DTNB: variants seen among roughly 807,000 people sequenced by gnomAD.
The protein encoded by DTNB is DTN-B.
Under a neutral mutation model 90.7 loss-of-function variants are expected in DTNB, and 63 were observed. That is an observed-to-expected ratio of 0.69 (90% CI 0.57 to 0.86). The LOEUF is 0.86. Among genes scored for constraint, DTNB ranks in the 40% least tolerant of loss-of-function variants. The probability of loss-of-function intolerance (pLI) is 0.00; values close to 1 mark genes in which losing one functional copy is unlikely to be tolerated. For synonymous variants in DTNB, 277 were observed against 286.7 expected (o/e 0.97, Z 0.34); for missense variants, 744 against 807.1 (o/e 0.92, Z 0.95).
chr2:25,447,567 C>A (rs976093939), intron 12 of DTNB, among the ~76,000 whole-genome samples: 1 of 141,650 alleles, frequency 7.1e-6, no homozygotes, highest in East Asian at 2.0e-4. Context: ...TACAGTGGTG[C>A]GATCTCAGCT....
intron 7 of DTNB, among the ~76,000 whole-genome samples, chr2:25,580,138 C>T (rs1177809090): frequency 6.6e-6 from 1 of 151,776 alleles, no homozygotes; most frequent in African/African-American, 2.4e-5. Flanking sequence ...CCCACAACCA[C>T]GCCCAGCTAA....
chr2:25,491,050 TAA>T (rs925729772), intron 9 of DTNB, among the ~76,000 whole-genome samples: 1 of 145,072 alleles, frequency 6.9e-6, no homozygotes. Context: ...ATGCTTAATG[TAA>T]AAAAAAAAAG....
chr2:25,482,762 C>G, intron 10 of DTNB, 34 bp downstream of exon 10: 1 of 1,610,064 alleles, frequency 6.2e-7, no homozygotes. Context: ...TAGCAGAGGC[C>G]AACACCCAAG....
At chr2:25,522,880 T>C (rs2150817590) in intron 9 of DTNB, among the ~76,000 whole-genome samples, 1 of 152,214 alleles carries the variant, frequency 6.6e-6, no homozygotes, top group East Asian at 1.9e-4. Flanking sequence ...TTTGTATTTT[T>C]AGTAGAGACG....
intron 8 of DTNB, among the ~76,000 whole-genome samples, chr2:25,557,196 A>C (rs1299261990): frequency 1.3e-5 from 2 of 152,202 alleles, no homozygotes; most frequent in Non-Finnish European, 2.9e-5. Flanking sequence ...AAGTAGATCC[A>C]CAGGCAGCCA....
intron 8 of DTNB, among the ~76,000 whole-genome samples, chr2:25,565,837 A>C (rs2058947141): frequency 6.6e-6 from 1 of 152,132 alleles, no homozygotes; most frequent in South Asian, 2.1e-4. Context: ...TTTTTTAAAA[A>C]AACTAAGAGA....
intron 5 of DTNB, among the ~76,000 whole-genome samples, chr2:25,604,019 A>G (rs1476926962): frequency 1.3e-5 from 2 of 152,198 alleles, no homozygotes. Context: ...ATCACTTTAA[A>G]TCCTTATTTT....
intron 8 of DTNB, among the ~76,000 whole-genome samples, chr2:25,551,295 A>C (rs912812175): frequency 6.6e-6 from 1 of 152,210 alleles, no homozygotes; most frequent in Admixed American, 6.5e-5. Flanking sequence ...ATATTTACCT[A>C]TATTTAAAGT....
intron 1 of DTNB, among the ~76,000 whole-genome samples, chr2:25,657,423 T>C (rs1214956428): frequency 2.0e-5 from 3 of 152,160 alleles, no homozygotes; most frequent in African/African-American, 7.2e-5. Context: ...TGTATACAAA[T>C]TATATAAAGA....
chr2:25,639,814 T>C (rs1234998137), intron 2 of DTNB, among the ~76,000 whole-genome samples: 1 of 152,194 alleles, frequency 6.6e-6, no homozygotes, highest in East Asian at 1.9e-4. Context: ...GCTCTGCTCT[T>C]GCTCTTCCGG....
chr2:25,549,915 C>T (rs905417067), intron 8 of DTNB, among the ~76,000 whole-genome samples: 1 of 152,078 alleles, frequency 6.6e-6, no homozygotes, highest in Non-Finnish European at 1.5e-5. Context: ...CCTGCCTCAC[C>T]CTCCCAAAGT....
At chr2:25,406,114 G>C (rs1256118790) in intron 16 of DTNB, among the ~76,000 whole-genome samples, 1 of 152,118 alleles carries the variant, frequency 6.6e-6, no homozygotes, top group Non-Finnish European at 1.5e-5. Context: ...ACGTGCAGAG[G>C]AGGGATCTGT....
chr2:25,652,724 C>T lies in DTNB; in HGVS notation c.-1-63G>A. The T allele has an allele frequency of 4.5e-6, 7 of 1,546,324 alleles. No homozygotes were observed. The South Asian group carries it at 8.6e-5, about 19-fold the overall frequency. On this transcript the variant is annotated intron_variant, in intron 1 of 20. Coordinates refer to ENST00000406818, the MANE Select transcript of DTNB (RefSeq NM_021907.5). ...TTCGACAATTCAATCAAGTGCTAAT[C>T]ATTCTATTGTGAAGAGGGACCGGAA...
intron 1 of DTNB, among the ~76,000 whole-genome samples, chr2:25,653,748 G>A (rs1471260559): frequency 6.6e-6 from 1 of 152,078 alleles, no homozygotes; most frequent in Admixed American, 6.6e-5. Flanking sequence ...CCAGTCTCAA[G>A]TGATCTGCCT....
At chr2:25,535,729 C>A in intron 8 of DTNB, among the ~76,000 whole-genome samples, 1 of 140,720 alleles carries the variant, frequency 7.1e-6, no homozygotes. Flanking sequence ...GACGGGGTGG[C>A]TGCCGGGCAG....
At chr2:25,388,567 A>C (rs779805940) in intron 16 of DTNB, 4 of 605,818 alleles carry the variant, frequency 6.6e-6, no homozygotes, top group African/African-American at 1.9e-5. Flanking sequence ...TGCAGGGCAG[A>C]GAGAGAGAAC....
chr2:25,621,782 T>G (rs942405971), intron 4 of DTNB, among the ~76,000 whole-genome samples: 22 of 151,926 alleles, frequency 1.4e-4, no homozygotes, highest in Non-Finnish European at 2.8e-4. Context: ...AAATGGTTGT[T>G]AGCCACATTT....
At chr2:25,504,226 C>T (rs1012533975) in intron 9 of DTNB, among the ~76,000 whole-genome samples, 1 of 151,598 alleles carries the variant, frequency 6.6e-6, no homozygotes, top group Non-Finnish European at 1.5e-5. Context: ...CAAGATCGCA[C>T]CACTACACTC....
intron 6 of DTNB, among the ~76,000 whole-genome samples, chr2:25,589,954 C>T (rs1458754290): frequency 6.6e-6 from 1 of 152,202 alleles, no homozygotes; most frequent in Non-Finnish European, 1.5e-5. Context: ...AGTGTGGGGT[C>T]CGGCCACTAT....
Sources: allele counts gnomAD v4.1 joint callset (sites outside exome capture counted in the v4.1 genomes callset), GRCh38; gene constraint gnomAD v4.1.1; transcripts MANE v1.5; gene names NCBI Gene and HGNC (gene_info 2026-07-23, HGNC 2026-07-21).